The following NTM variants were observed in gnomAD, a reference collection of about 807,000 sequenced individuals.
NTM encodes IgLON family member 2.
Under a neutral mutation model 42.1 loss-of-function variants are expected in NTM, and 13 were observed. The ratio of observed to expected loss-of-function variants is 0.31; its 90% CI spans 0.20 to 0.49. NTM has a LOEUF of 0.49. Among genes scored for constraint, NTM ranks in the 20% least tolerant of loss-of-function variants. The pLI is 0.99. For synonymous variants in NTM, 187 were observed against 179.2 expected, an observed-to-expected ratio of 1.04 and a Z score of -0.35; for missense variants, 373 against 452.8, an observed-to-expected ratio of 0.82 and a Z score of 1.60.
At chr11:131,633,764 TCC>T (rs1265383732) in intron 1 of NTM, among the ~76,000 whole-genome samples, 31 of 41,420 alleles carry the variant, frequency 7.5e-4, no homozygotes, top group African/African-American at 2.4e-3. Flanking sequence ...TCCCTCTCTC[TCC>T]CTCTCTCTCT....
intron 1 of NTM, among the ~76,000 whole-genome samples, chr11:131,790,106 AAAGGAT>A (rs1482575028): frequency 6.6e-5 from 10 of 152,146 alleles, no homozygotes; most frequent in Non-Finnish European, 1.2e-4. Context: ...GTACAGATTA[AAAGGAT>A]AAGAAGATGG....
rs140062876 is a variant in NTM, at chr11:132,167,905, C to T, written c.400+21391C>T. ...AACAGATAGGATGAAGCCTGTTTTG[C>T]CCACAACGGGAAGAATCACTTCCGA... On this transcript the variant is annotated intron_variant, in intron 3 of 8. Transcript: ENST00000683400. Among the ~76,000 whole-genome samples the T allele has an allele frequency of 1.8e-3, 267 of 152,246 alleles. 1 individual carries two copies. Among genetic ancestry groups the T allele is most frequent in the African/African-American group, 6.2e-3 (259 of 41,552 alleles).
chr11:131,894,089 G>A (rs1256989372), intron 1 of NTM, among the ~76,000 whole-genome samples: 1 of 152,178 alleles, frequency 6.6e-6, no homozygotes, highest in African/African-American at 2.4e-5. Flanking sequence ...TTATATAGAA[G>A]TCAGCACCGA....
At chr11:131,871,148 T>C (rs1361514253) in intron 1 of NTM, among the ~76,000 whole-genome samples, 1 of 152,194 alleles carries the variant, frequency 6.6e-6, no homozygotes, top group Non-Finnish European at 1.5e-5. Context: ...ATCATGTGAG[T>C]GGGTATGCTT....
intron 1 of NTM, among the ~76,000 whole-genome samples, chr11:131,757,465 G>A (rs1275465512): frequency 6.6e-6 from 1 of 152,230 alleles, no homozygotes; most frequent in Non-Finnish European, 1.5e-5. Context: ...GGACTGATAT[G>A]TAGCTGCACA....
chr11:131,535,488 C>G (rs1240900164), intron 1 of NTM: 1 of 152,290 alleles, frequency 6.6e-6, no homozygotes, highest in African/African-American at 2.4e-5. Flanking sequence ...CCCCTATGCT[C>G]ATCGCCTCGT....
intron 1 of NTM, among the ~76,000 whole-genome samples, chr11:131,628,043 TG>T (rs2063298867): frequency 6.6e-6 from 1 of 152,198 alleles, no homozygotes; most frequent in South Asian, 2.1e-4. Context: ...CTATGGTAAT[TG>T]TCATGTTTGC....
intron 1 of NTM, among the ~76,000 whole-genome samples, chr11:131,610,450 T>C (rs568407101): frequency 3.3e-5 from 5 of 152,210 alleles, no homozygotes; most frequent in Non-Finnish European, 7.3e-5. Context: ...TCTTCTCCTA[T>C]GTAGAATAGT....
At chr11:131,388,193 C>T (rs2135567642) in intron 1 of NTM, among the ~76,000 whole-genome samples, 1 of 152,218 alleles carries the variant, frequency 6.6e-6, no homozygotes, top group South Asian at 2.1e-4. Flanking sequence ...ATACTCTCAC[C>T]TTAGAAAAAA....
intron 2 of NTM, among the ~76,000 whole-genome samples, chr11:132,004,240 A>G (rs921042733): frequency 2.0e-5 from 3 of 152,162 alleles, no homozygotes; most frequent in African/African-American, 4.8e-5. Context: ...GCTATTCTCA[A>G]TAAGAAAATG....
At chr11:131,863,724 C>T (rs2046870322) in intron 1 of NTM, among the ~76,000 whole-genome samples, 1 of 152,182 alleles carries the variant, frequency 6.6e-6, no homozygotes, top group South Asian at 2.1e-4. Context: ...CAGGTCCCTC[C>T]CTCCTCCCAT....
At chr11:131,723,408 A>T (rs1182320539) in intron 1 of NTM, among the ~76,000 whole-genome samples, 1 of 152,372 alleles carries the variant, frequency 6.6e-6, no homozygotes, top group East Asian at 1.9e-4. Flanking sequence ...AGTCTTCTCC[A>T]TGGAGGTTTC....
At chr11:132,312,844 A>G (rs1276740491) in intron 6 of NTM, 3 of 154,062 alleles carry the variant, frequency 1.9e-5, no homozygotes, top group Middle Eastern at 1.4e-3. Flanking sequence ...TGGAAATGTA[A>G]AAGTGGCCTG....
chr11:131,777,058 T>A (rs930607101), intron 1 of NTM: 40 of 941,600 alleles, frequency 4.2e-5, no homozygotes, highest in Non-Finnish European at 4.8e-5. Context: ...GAAAGTTGCT[T>A]CTGCCATACA....
chr11:132,161,177 T>C (rs1239908207), intron 3 of NTM, among the ~76,000 whole-genome samples: 3 of 152,060 alleles, frequency 2.0e-5, no homozygotes, highest in Admixed American at 2.0e-4. Context: ...CCTGGTTTCA[T>C]ACTATTTGTG....
chr11:131,951,273 A>G (rs1202271708), intron 2 of NTM, among the ~76,000 whole-genome samples: 2 of 152,152 alleles, frequency 1.3e-5, no homozygotes, highest in Admixed American at 6.5e-5. Flanking sequence ...GAAATAGACA[A>G]TGGCCTTGAG....
chr11:131,584,533 C>T (rs1052896192), intron 1 of NTM, among the ~76,000 whole-genome samples: 1 of 152,132 alleles, frequency 6.6e-6, no homozygotes, highest in Non-Finnish European at 1.5e-5. Context: ...AACGCTGGGT[C>T]CCATTAGTAG....
chr11:131,705,031 G>A (rs2076455330), intron 1 of NTM, among the ~76,000 whole-genome samples: 1 of 152,164 alleles, frequency 6.6e-6, no homozygotes, highest in South Asian at 2.1e-4. Context: ...AGAAGGATCA[G>A]ACAAAGAGAA....
At chr11:131,950,560 G>A (rs561278843) in intron 2 of NTM, among the ~76,000 whole-genome samples, 2 of 152,236 alleles carry the variant, frequency 1.3e-5, no homozygotes, top group Non-Finnish European at 1.5e-5. Flanking sequence ...TACATAAGCT[G>A]AAAAAGAACA....
Sources: allele counts gnomAD v4.1 joint callset (sites outside exome capture counted in the v4.1 genomes callset), GRCh38; gene constraint gnomAD v4.1.1; transcripts MANE v1.5; gene names NCBI Gene and HGNC (gene_info 2026-07-23, HGNC 2026-07-21).